YOD1: variants seen among roughly 807,000 people sequenced by gnomAD.
YOD1 encodes ubiquitin thioesterase OTU1.
YOD1 carries 17 observed loss-of-function variants against 23.7 expected under a neutral mutation model. That is an observed-to-expected ratio of 0.72 (90% confidence interval 0.49 to 1.07). The LOEUF is 1.07. Ranked by LOEUF, YOD1 falls within the 50% of genes least tolerant of loss-of-function variation. YOD1 has a pLI of 0.00. For synonymous variants in YOD1, 191 were observed against 169.6 expected (o/e 1.13, Z -0.98); for missense variants, 413 against 447.2 (o/e 0.92, Z 0.69).
Position 207,047,527 on chromosome 1 carries a change from A to G in YOD1, c.*1493T>C, listed in dbSNP as rs1682628821. On this transcript the variant is annotated 3_prime_UTR_variant, in exon 2 of 2. Transcript: ENST00000315927. Reference sequence around the variant, plus strand: ...TTCTAAGTGAGATACTTAATAAAAAAGAGACCAAAATAACAAAACTTCACA... The same window carrying G: ...TTCTAAGTGAGATACTTAATAAAAAGGAGACCAAAATAACAAAACTTCACA... 6.6e-6 allele frequency: 1 copy of G among 152,634 alleles called. No homozygotes were observed. The highest frequency in any genetic ancestry group is 2.4e-5 in the African/African-American group (1 of 41,456). 9.5% of individuals were successfully genotyped at this position (152,634 alleles called of 1,614,324 possible).
At position 207,045,838 on chromosome 1, in the gene YOD1, T is replaced by C. The variant is rs1157283836; in HGVS notation, c.*3182A>G. 4 of 152,006 alleles carry C rather than the reference T, an allele frequency of 2.6e-5. No homozygotes were observed. The highest frequency in any genetic ancestry group is 2.9e-5 in the Non-Finnish European group (2 of 67,898). 9.4% of individuals were successfully genotyped at this position (152,006 alleles called of 1,614,324 possible). A position where few individuals can be genotyped will look rare whatever the true frequency, so the allele number is the denominator to read the frequency against. On this transcript the variant is annotated 3_prime_UTR_variant, in exon 2 of 2. Coordinates refer to ENST00000315927, the MANE Select transcript of YOD1 (RefSeq NM_018566.4). ...TCATTATTATTTTGCTGGGACTTCA[T>C]GGAATAATCAAGCGGCATGACTACA... is the stretch of plus-strand genomic sequence containing the variant.
Position 207,049,032 on chromosome 1 carries a change from A to G in YOD1, c.1035T>C (p.Phe345=). The G allele has an allele frequency of 6.2e-7, 1 of 1,613,396 alleles. No homozygotes were observed. The highest frequency in any genetic ancestry group is 8.5e-7 in the Non-Finnish European group (1 of 1,179,656). Residue 345 remains phenylalanine (F), a synonymous_variant, in exon 2 of 2, where the codon TTT becomes TTC. Transcript: ENST00000315927. ...ATTCATGCATAGGTCACACTTCTCC[A>G]AAGTTGGTATGGCCTGTCTCCTTGG... is the stretch of plus-strand genomic sequence containing the variant. ...EHAKETGHTN[F]GEV
rs1038208034 is a variant in YOD1 at position 207,048,731 on chromosome 1, A to T, written c.*289T>A. 5.8e-6 allele frequency: 2 copies of T among 344,970 alleles called. No individual in the cohort carries two copies. The highest frequency in any genetic ancestry group is 1.1e-5 in the Non-Finnish European group (2 of 186,772). 21.4% of individuals were successfully genotyped at this position (344,970 alleles called of 1,614,324 possible). A position where few individuals can be genotyped will look rare whatever the true frequency, so the allele number is the denominator to read the frequency against. ...AAGCTGCTGGGTGCTAGTTTATAAT[A>T]CTCAATCTCAACCTTCAGGTCAGTG... is the stretch of plus-strand genomic sequence containing the variant. On this transcript the variant is annotated 3_prime_UTR_variant, in exon 2 of 2. Transcript: ENST00000315927.
rs1332539738 is a variant in YOD1 at position 207,044,079 on chromosome 1, G to A, written c.*4941C>T. ...TAAAACAAGAAAACACTGTCCATCT[G>A]CATTAAGAAAAAATATTTTCTTATG... On this transcript the variant is annotated 3_prime_UTR_variant, in exon 2 of 2. Transcript: ENST00000315927. The A allele has an allele frequency of 6.6e-6, 1 of 152,408 alleles. No homozygotes were observed. The highest frequency in any genetic ancestry group is 1.5e-5 in the Non-Finnish European group (1 of 67,958). The allele number at this position is 152,408 out of a possible 1,614,324, so 9.4% of individuals were successfully genotyped here. A position where few individuals can be genotyped will look rare whatever the true frequency, so the allele number is the denominator to read the frequency against.
rs1682642041 is a variant in YOD1, at chr1:207,048,125, CA to C, written c.*894del. On this transcript the variant is annotated 3_prime_UTR_variant, in exon 2 of 2. Transcript: ENST00000315927. The stretch of plus-strand genomic sequence containing the variant: ...TGAGGACTCGAATTTCAAGGAATTT[CA>C]ATTAAAAAAGTACCCTGCTTAACTT... The C allele has an allele frequency of 6.6e-6, 1 of 152,536 alleles. No homozygotes were observed. Among genetic ancestry groups the C allele is most frequent in the Non-Finnish European group, 1.5e-5 (1 of 67,990 alleles). The allele number at this position is 152,536 out of a possible 1,614,324, so 9.4% of individuals were successfully genotyped here.
Position 207,048,392 on chromosome 1 carries a change from T to C in YOD1, c.*628A>G, listed in dbSNP as rs1355597419. 1 of 153,590 alleles carries C rather than the reference T, an allele frequency of 6.5e-6. No individual in the cohort carries two copies. Among genetic ancestry groups the C allele is most frequent in the Non-Finnish European group, 1.5e-5 (1 of 68,754 alleles). The allele number at this position is 153,590 out of a possible 1,614,324, so 9.5% of individuals were successfully genotyped here. ...GTACTTATCAGTGGTTAAGCACACA[T>C]TTATAATGTCTACCAAATTGCAATA... On this transcript the variant is annotated 3_prime_UTR_variant, in exon 2 of 2. Coordinates refer to ENST00000315927, the MANE Select transcript of YOD1 (RefSeq NM_018566.4).
Position 207,051,046 on chromosome 1 carries a change from G to A in YOD1, c.-16C>T. ...GGCCAAACATCGCGAGAAGTTGCGG[G>A]TGGTTGCAGTTATCGCGACGCTTCG... On this transcript the variant is annotated 5_prime_UTR_variant, in exon 1 of 2. Coordinates refer to ENST00000315927, the MANE Select transcript of YOD1 (RefSeq NM_018566.4). 6.7e-7 allele frequency: 1 copy of A among 1,487,382 alleles called. No homozygotes were observed. Among genetic ancestry groups the A allele is most frequent in the Non-Finnish European group, 8.9e-7 (1 of 1,120,610 alleles). 92.1% of individuals were successfully genotyped at this position (1,487,382 alleles called of 1,614,324 possible).
Position 207,043,885 on chromosome 1 carries a change from C to T in YOD1, c.*5135G>A, listed in dbSNP as rs1038945669. On this transcript the variant is annotated 3_prime_UTR_variant, in exon 2 of 2. Transcript: ENST00000315927. ...TCATTTATTCCTTTGAAACAAGTCA[C>T]TTAATACAGCATTTAGATATTTAAA... 6 of 152,574 alleles carry T rather than the reference C, an allele frequency of 3.9e-5. No homozygotes were observed. The highest frequency in any genetic ancestry group is 7.4e-5 in the Non-Finnish European group (5 of 67,998). 9.5% of individuals were successfully genotyped at this position (152,574 alleles called of 1,614,324 possible). A position where few individuals can be genotyped will look rare whatever the true frequency, so the allele number is the denominator to read the frequency against.
At chr1:207,050,125 A>C (rs181387785) in intron 1 of YOD1, among the ~76,000 whole-genome samples, 8 of 152,374 alleles carry the variant, frequency 5.3e-5, no homozygotes, top group Admixed American at 5.2e-4. Context: ...TCCTTGATAC[A>C]GCAACTGAAA....
At position 207,050,778 on chromosome 1, in the gene YOD1, C is replaced by CG. The variant is rs1558054514; in HGVS notation, c.252dup (p.Gly85ArgfsTer32). On this transcript the variant is annotated frameshift_variant, in exon 1 of 2. Coordinates refer to ENST00000315927, the MANE Select transcript of YOD1 (RefSeq NM_018566.4). LOFTEE classifies it high-confidence loss of function. ...TATCCGACGAGGATTCGCTGACCGC[C>CG]GGGGGCGATCCCGGTGATGGCGGCA... The CG allele has an allele frequency of 1.2e-6, 2 of 1,613,438 alleles. No individual in the cohort carries two copies. Among genetic ancestry groups the CG allele is most frequent in the Non-Finnish European group, 8.5e-7 (1 of 1,180,006 alleles).
upstream of YOD1, among the ~76,000 whole-genome samples, chr1:207,051,545 G>T (rs762001251): frequency 1.3e-5 from 2 of 152,178 alleles, no homozygotes; most frequent in Non-Finnish European, 2.9e-5. Flanking sequence ...GCTTGAAAAC[G>T]TCTATTTGCC....
upstream of YOD1, chr1:207,052,424 G>A: frequency 2.0e-6 from 1 of 510,696 alleles, no homozygotes; most frequent in South Asian, 2.3e-5. Flanking sequence ...CACTTTGGGA[G>A]GCCGAGGCGG....
In YOD1 at chr1:207,044,367, C is replaced by A. The variant is rs1410581886; in HGVS notation, c.*4653G>T. 6.6e-6 allele frequency: 1 copy of A among 152,482 alleles called. No homozygotes were observed. The highest frequency in any genetic ancestry group is 1.5e-5 in the Non-Finnish European group (1 of 67,958). 9.4% of individuals were successfully genotyped at this position (152,482 alleles called of 1,614,324 possible). On this transcript the variant is annotated 3_prime_UTR_variant, in exon 2 of 2. Coordinates refer to ENST00000315927, the MANE Select transcript of YOD1 (RefSeq NM_018566.4). The stretch of plus-strand genomic sequence containing the variant: ...TAAACAGCTGGAGTCCTGAATGGCA[C>A]CAATGTGACTGGAAAACTGACAAAA...
upstream of YOD1, among the ~76,000 whole-genome samples, chr1:207,051,721 A>G (rs1682756322): frequency 6.6e-6 from 1 of 152,226 alleles, no homozygotes; most frequent in Non-Finnish European, 1.5e-5. Flanking sequence ...TGTAACAAGT[A>G]TTCATTGCAG....
chr1:207,050,062 G>C (rs867229299), intron 1 of YOD1, among the ~76,000 whole-genome samples: 1 of 152,116 alleles, frequency 6.6e-6, no homozygotes, highest in African/African-American at 2.4e-5. Context: ...AGAGTAGGCC[G>C]CTAGGGGGTT....
rs1682642670 is a variant in YOD1, at chr1:207,048,146, T to C, written c.*874A>G. 1 of 152,658 alleles carries C rather than the reference T, an allele frequency of 6.6e-6. No individual in the cohort carries two copies. The highest frequency in any genetic ancestry group is 2.1e-4 in the South Asian group (1 of 4,832). The allele number at this position is 152,658 out of a possible 1,614,324, so 9.5% of individuals were successfully genotyped here. A position where few individuals can be genotyped will look rare whatever the true frequency, so the allele number is the denominator to read the frequency against. ...ATTTCAATTAAAAAAGTACCCTGCT[T>C]AACTTTAAAATGTTATCCAATGTGA... On this transcript the variant is annotated 3_prime_UTR_variant, in exon 2 of 2. Transcript: ENST00000315927.
At position 207,048,795 on chromosome 1, in the gene YOD1, C is replaced by T. The variant is rs969081658; in HGVS notation, c.*225G>A. Reference sequence around the variant, plus strand: ...AGGATCACCTATTCTGTCACTCCAGCAGAAAGAGGCATGTATGTACAGTTT... The same window carrying T: ...AGGATCACCTATTCTGTCACTCCAGTAGAAAGAGGCATGTATGTACAGTTT... On this transcript the variant is annotated 3_prime_UTR_variant, in exon 2 of 2. Coordinates refer to ENST00000315927, the MANE Select transcript of YOD1 (RefSeq NM_018566.4). The T allele has an allele frequency of 2.0e-6, 1 of 498,536 alleles. No homozygotes were observed. The highest frequency in any genetic ancestry group is 3.7e-5 in the Admixed American group (1 of 26,726). The allele number at this position is 498,536 out of a possible 1,614,324, so 30.9% of individuals were successfully genotyped here. A position where few individuals can be genotyped will look rare whatever the true frequency, so the allele number is the denominator to read the frequency against.
At position 207,045,539 on chromosome 1, in the gene YOD1, G is replaced by T. The variant is rs967841448; in HGVS notation, c.*3481C>A. 2.0e-5 allele frequency: 3 copies of T among 151,416 alleles called. No homozygotes were observed. Among genetic ancestry groups the T allele is most frequent in the Non-Finnish European group, 4.4e-5 (3 of 67,754 alleles). 9.4% of individuals were successfully genotyped at this position (151,416 alleles called of 1,614,324 possible). ...TTTTTAAAGTGCTGCAAACAAATGT[G>T]TCTCCACACATGAAAGAACATAATT... On this transcript the variant is annotated 3_prime_UTR_variant, in exon 2 of 2. Coordinates refer to ENST00000315927, the MANE Select transcript of YOD1 (RefSeq NM_018566.4).
chr1:207,051,097 G>A lies in YOD1; in HGVS notation c.-67C>T. On this transcript the variant is annotated 5_prime_UTR_variant, in exon 1 of 2. Transcript: ENST00000315927. ...GTGCGGCTTCTGCCTTAGTACCTTA[G>A]CAAGCGCGAACTCTTTTAAAGTGAC... is the stretch of plus-strand genomic sequence containing the variant. 7.0e-7 allele frequency: 1 copy of A among 1,436,814 alleles called. No homozygotes were observed. Among genetic ancestry groups the A allele is most frequent in the Non-Finnish European group, 9.1e-7 (1 of 1,099,780 alleles). 89.0% of individuals were successfully genotyped at this position (1,436,814 alleles called of 1,614,324 possible). A position where few individuals can be genotyped will look rare whatever the true frequency, so the allele number is the denominator to read the frequency against.
Sources: allele counts gnomAD v4.1 joint callset (sites outside exome capture counted in the v4.1 genomes callset), GRCh38; gene constraint gnomAD v4.1.1; transcripts MANE v1.5; gene names NCBI Gene and HGNC (gene_info 2026-07-23, HGNC 2026-07-21).